Variants in SPRED2 observed in about 807,000 individuals in gnomAD.
SPRED2 encodes the protein sprouty related EVH1 domain containing 2.
A neutral mutation model predicts 43.0 loss-of-function variants in SPRED2; 47 were observed. The ratio of observed to expected loss-of-function variants is 1.09; its 90% CI spans 0.87 to 1.40. SPRED2 has a LOEUF of 1.40. Among genes scored for constraint, SPRED2 ranks in the 40% most tolerant of loss-of-function variants. SPRED2 has a pLI of 0.00. For synonymous variants in SPRED2, 225 were observed against 225.7 expected, an observed-to-expected ratio of 1.00 and a Z score of 0.03; for missense variants, 561 against 586.4, an observed-to-expected ratio of 0.96 and a Z score of 0.45.
downstream of SPRED2, chr2:65,310,797 C>T: frequency 1.1e-6 from 1 of 899,958 alleles, no homozygotes. Context: ...CAAGATCTGC[C>T]AACGCTCTAG....
At chr2:65,348,433 T>C (rs974661712) in intron 1 of SPRED2, among the ~76,000 whole-genome samples, 6 of 151,050 alleles carry the variant, frequency 4.0e-5, no homozygotes, top group Admixed American at 2.0e-4. Context: ...CCCTAGAGCC[T>C]AGAATGGTGT....
chr2:65,340,287 G>A (rs984552457), intron 2 of SPRED2, among the ~76,000 whole-genome samples: 2 of 152,218 alleles, frequency 1.3e-5, no homozygotes, highest in African/African-American at 4.8e-5. Flanking sequence ...AACTGTTACT[G>A]TCCATAAATC....
At chr2:65,430,391 T>G (rs759470275) in intron 1 of SPRED2, among the ~76,000 whole-genome samples, 1 of 152,106 alleles carries the variant, frequency 6.6e-6, no homozygotes, top group African/African-American at 2.4e-5. Flanking sequence ...CCCTGGGGAC[T>G]CACAGGAAGG....
At chr2:65,425,610 G>A (rs1037481241) in intron 1 of SPRED2, among the ~76,000 whole-genome samples, 2 of 152,180 alleles carry the variant, frequency 1.3e-5, no homozygotes, top group Non-Finnish European at 2.9e-5. Flanking sequence ...CATATGTCAA[G>A]ATGTAACAAT....
intron 1 of SPRED2, among the ~76,000 whole-genome samples, chr2:65,348,083 C>T (rs1370110779): frequency 2.0e-5 from 3 of 152,198 alleles, no homozygotes; most frequent in African/African-American, 7.2e-5. Flanking sequence ...TCTCCTTGCT[C>T]ATTCCACTTT....
intron 3 of SPRED2, 151 bp downstream of exon 3, chr2:65,334,454 C>G (rs1673904437): frequency 1.2e-6 from 1 of 822,446 alleles, no homozygotes; most frequent in Non-Finnish European, 1.9e-6. Flanking sequence ...AATTACTCTC[C>G]TTGGAAATTC....
At chr2:65,400,686 G>A (rs974884687) in intron 1 of SPRED2, among the ~76,000 whole-genome samples, 2 of 152,022 alleles carry the variant, frequency 1.3e-5, no homozygotes, top group African/African-American at 4.8e-5. Flanking sequence ...ATTCTTTGGT[G>A]TTCTCTCTCT....
chr2:65,345,669 T>C (rs1373582660), intron 1 of SPRED2, among the ~76,000 whole-genome samples: 2 of 152,236 alleles, frequency 1.3e-5, no homozygotes, highest in Non-Finnish European at 2.9e-5. Context: ...TAGCATAAAA[T>C]AGGATAATCT....
At chr2:65,366,029 A>AAAACAAACAAAC (rs3052978) in intron 1 of SPRED2, among the ~76,000 whole-genome samples, 31 of 151,206 alleles carry the variant, frequency 2.1e-4, no homozygotes, top group Admixed American at 2.7e-4. Flanking sequence ...GTGATTTATA[A>AAAACAAACAAAC]AAACAAACAA....
intron 1 of SPRED2, among the ~76,000 whole-genome samples, chr2:65,358,155 C>T (rs897089848): frequency 2.6e-5 from 4 of 152,148 alleles, no homozygotes; most frequent in Non-Finnish European, 5.9e-5. Flanking sequence ...CCATGACAGA[C>T]TAACAGATAT....
At chr2:65,384,686 C>T (rs1308736591) in intron 1 of SPRED2, among the ~76,000 whole-genome samples, 3 of 152,152 alleles carry the variant, frequency 2.0e-5, no homozygotes, top group Non-Finnish European at 4.4e-5. Flanking sequence ...CTTCCTCACT[C>T]CAGTGAAACT....
At chr2:65,364,696 T>C (rs1431817746) in intron 1 of SPRED2, among the ~76,000 whole-genome samples, 1 of 152,108 alleles carries the variant, frequency 6.6e-6, no homozygotes, top group Non-Finnish European at 1.5e-5. Context: ...ACACAGAAAG[T>C]GTCACTAAAT....
intron 1 of SPRED2, among the ~76,000 whole-genome samples, chr2:65,356,558 T>TTTTTTTTTTTTTTTTTTTTC (rs1674657725): frequency 8.7e-6 from 1 of 114,772 alleles, no homozygotes; most frequent in Non-Finnish European, 1.7e-5. Flanking sequence ...TTTTTTTTTT[T>TTTTTTTTTTTTTTTTTTTTC]GTGTGTGTGT....
At chr2:65,420,016 C>A (rs1040640020) in intron 1 of SPRED2, among the ~76,000 whole-genome samples, 2 of 151,926 alleles carry the variant, frequency 1.3e-5, no homozygotes, top group Non-Finnish European at 2.9e-5. Flanking sequence ...TCGAGACCAG[C>A]CAGGACAACA....
intron 4 of SPRED2, among the ~76,000 whole-genome samples, chr2:65,328,114 C>A (rs909455584): frequency 2.0e-5 from 3 of 152,144 alleles, no homozygotes; most frequent in African/African-American, 7.2e-5. Flanking sequence ...TTACTTGTCA[C>A]CCCTTCCCTC....
intron 1 of SPRED2, among the ~76,000 whole-genome samples, chr2:65,406,790 C>T (rs535828033): frequency 2.6e-5 from 4 of 152,166 alleles, no homozygotes; most frequent in East Asian, 1.9e-4. Flanking sequence ...TAAAGGCAGC[C>T]GCACTTCCTT....
rs1668867459 is a variant in SPRED2 at position 65,432,017 on chromosome 2, G to A, written c.-30C>T. The A allele has an allele frequency of 6.2e-7, 1 of 1,613,616 alleles. No individual in the cohort carries two copies. The highest frequency in any genetic ancestry group is 1.1e-5 in the South Asian group (1 of 91,082). On this transcript the variant is annotated 5_prime_UTR_variant, in exon 1 of 6. Transcript: ENST00000356388. Reference sequence around the variant, plus strand: ...TTGTTCACCTAGACGCCTGTCCCGCGGCGGGCAGCTTTGCTCCCTTCATCT... The same window carrying A: ...TTGTTCACCTAGACGCCTGTCCCGCAGCGGGCAGCTTTGCTCCCTTCATCT...
In SPRED2 at chr2:65,311,374, A is replaced by C; in HGVS notation, c.*2127T>G. ...CTAGCGTAACTCTTAAAAGGGTGGA[A>C]AAGGACAAGGGGTGAAAGAAGAGAG... On this transcript the variant is annotated 3_prime_UTR_variant, in exon 6 of 6. Transcript: ENST00000356388. The C allele has an allele frequency of 2.0e-6, 2 of 985,886 alleles. No individual in the cohort carries two copies. Among genetic ancestry groups the C allele is most frequent in the Non-Finnish European group, 2.4e-6 (2 of 829,938 alleles). The allele number at this position is 985,886 out of a possible 1,614,324, so 61.1% of individuals were successfully genotyped here. A position where few individuals can be genotyped will look rare whatever the true frequency, so the allele number is the denominator to read the frequency against.
intron 1 of SPRED2, among the ~76,000 whole-genome samples, chr2:65,421,348 A>C (rs1676418359): frequency 6.6e-6 from 1 of 152,178 alleles, no homozygotes; most frequent in Admixed American, 6.5e-5. Flanking sequence ...TCTTTTTATT[A>C]GGGTCTGGAC....
Sources: allele counts gnomAD v4.1 joint callset (sites outside exome capture counted in the v4.1 genomes callset), GRCh38; gene constraint gnomAD v4.1.1; transcripts MANE v1.5; gene names NCBI Gene and HGNC (gene_info 2026-07-23, HGNC 2026-07-21).